PACSIN2: variants seen among roughly 807,000 people sequenced by gnomAD.
PACSIN2 encodes protein kinase C and casein kinase substrate in neurons protein 2.
Under a neutral mutation model 63.8 loss-of-function variants are expected in PACSIN2, and 25 were observed. The ratio of observed to expected loss-of-function variants is 0.39; its 90% CI spans 0.29 to 0.55. The LOEUF (loss-of-function observed/expected upper bound fraction) is 0.55. Ranked by LOEUF, PACSIN2 falls within the 20% of genes least tolerant of loss-of-function variation. The pLI is 0.62. For synonymous variants in PACSIN2, 255 were observed against 256.2 expected (o/e 1.00, Z 0.05); for missense variants, 518 against 646.9 (o/e 0.80, Z 2.16).
chr22:42,991,444 CCT>C (rs1485055552), intron 1 of PACSIN2, among the ~76,000 whole-genome samples: 1 of 152,202 alleles, frequency 6.6e-6, no homozygotes, highest in African/African-American at 2.4e-5. Flanking sequence ...TCTCCCTCCA[CCT>C]CTCTGTCCTG....
rs1411513767 is a variant in PACSIN2, at chr22:42,959,523, T to G, written c.-77-47366A>C. The G allele has an allele frequency of 2.0e-5, 3 of 152,236 alleles. No homozygotes were observed. The East Asian group carries it at 5.8e-4, about 29-fold the overall frequency. The allele number at this position is 152,236 out of a possible 1,614,324, so 9.4% of individuals were successfully genotyped here. A position where few individuals can be genotyped will look rare whatever the true frequency, so the allele number is the denominator to read the frequency against. Reference sequence around the variant, plus strand: ...AGTCAAAAATTACAAAACACAATCCTTCATTTGTTTAAGCCGAAATCTATT... The same window carrying G: ...AGTCAAAAATTACAAAACACAATCCGTCATTTGTTTAAGCCGAAATCTATT... On this transcript the variant is annotated intron_variant, in intron 1 of 10. Coordinates refer to ENST00000263246, the MANE Select transcript of PACSIN2 (RefSeq NM_001184970.3).
At chr22:42,881,809 GAGC>G (rs1929096256) in intron 7 of PACSIN2, among the ~76,000 whole-genome samples, 1 of 152,058 alleles carries the variant, frequency 6.6e-6, no homozygotes, top group Admixed American at 6.5e-5. Flanking sequence ...ACCGTGAGGG[GAGC>G]ACTGTGGCTG....
rs1402210714 is a variant in PACSIN2, at chr22:42,889,709, G to C, written c.454-911C>G. ...GTCTACTCCATTCCAGCTAGGAATG[G>C]GGGGCGAGGCTGCAGGCAGGGGCGG... On this transcript the variant is annotated intron_variant, in intron 4 of 10. Transcript: ENST00000263246. 2.6e-5 allele frequency among the ~76,000 whole-genome samples: 4 copies of C among 152,142 alleles called. No homozygotes were observed. The South Asian group carries it at 6.2e-4, about 24-fold the overall frequency.
intron 1 of PACSIN2, among the ~76,000 whole-genome samples, chr22:42,947,441 C>T (rs989874028): frequency 2.0e-5 from 3 of 152,138 alleles, no homozygotes; most frequent in African/African-American, 7.2e-5. Context: ...GGCCCTTTGT[C>T]CACAAAAGAG....
At chr22:42,924,250 T>C (rs1932388741) in intron 1 of PACSIN2, among the ~76,000 whole-genome samples, 1 of 152,118 alleles carries the variant, frequency 6.6e-6, no homozygotes, top group South Asian at 2.1e-4. Flanking sequence ...TCAGTGCCAC[T>C]ATCACCTCTC....
At chr22:43,007,319 G>A (rs1418858823) in intron 1 of PACSIN2, among the ~76,000 whole-genome samples, 1 of 151,426 alleles carries the variant, frequency 6.6e-6, no homozygotes, top group Non-Finnish European at 1.5e-5. Flanking sequence ...AGGTTCAAGC[G>A]ATTCTCCTGC....
intron 1 of PACSIN2, among the ~76,000 whole-genome samples, chr22:42,991,431 T>G (rs1475472529): frequency 6.6e-6 from 1 of 152,146 alleles, no homozygotes; most frequent in African/African-American, 2.4e-5. Context: ...ACAGAAGGCT[T>G]CTTCTCCCTC....
intron 2 of PACSIN2, among the ~76,000 whole-genome samples, chr22:42,903,907 C>T (rs764295552): frequency 7.2e-5 from 11 of 152,054 alleles, no homozygotes; most frequent in Non-Finnish European, 1.6e-4. Flanking sequence ...TCCTCAAGTA[C>T]GAAGGTGAAG....
chr22:42,981,585 G>T (rs1335557983), intron 1 of PACSIN2, among the ~76,000 whole-genome samples: 7 of 118,340 alleles, frequency 5.9e-5, no homozygotes, highest in African/African-American at 2.0e-4. Flanking sequence ...CCTCTGCCCG[G>T]CTGCCCCTAC....
At chr22:42,880,061 C>T (rs1014059479) in intron 7 of PACSIN2, among the ~76,000 whole-genome samples, 2 of 152,162 alleles carry the variant, frequency 1.3e-5, no homozygotes, top group Admixed American at 1.3e-4. Flanking sequence ...TGTGCATGCC[C>T]GCAGGTGTTT....
chr22:43,014,802 C>G (rs1924774864), intron 1 of PACSIN2, among the ~76,000 whole-genome samples: 1 of 150,916 alleles, frequency 6.6e-6, no homozygotes, highest in Non-Finnish European at 1.5e-5. Context: ...CCCTCGTCCT[C>G]CCCAAGATGT....
chr22:42,976,154 T>C (rs1215786734), intron 1 of PACSIN2, among the ~76,000 whole-genome samples: 1 of 152,228 alleles, frequency 6.6e-6, no homozygotes, highest in Non-Finnish European at 1.5e-5. Context: ...ATTCTTCACC[T>C]AGAGGGAGTA....
At position 42,871,591 on chromosome 22, in the gene PACSIN2, GC is replaced by G. The variant is rs1928135695; in HGVS notation, c.1349-123del. 1 of 769,668 alleles carries G rather than the reference GC, an allele frequency of 1.3e-6. No homozygotes were observed. The highest frequency in any genetic ancestry group is 2.0e-5 in the Admixed American group (1 of 49,142). The allele number at this position is 769,668 out of a possible 1,614,324, so 47.7% of individuals were successfully genotyped here. ...GGGCCAGGCATTCTGTGGCGGGCAG[GC>G]CGAGGGCCTGGTCATTTCTCTACTA... On this transcript the variant is annotated intron_variant, in intron 10 of 10. Transcript: ENST00000263246. This position sits in a 1 kb window ranked among gnomAD's most constrained non-coding sequence, Gnocchi z 5.4.
At chr22:42,931,121 T>G (rs1215825767) in intron 1 of PACSIN2, among the ~76,000 whole-genome samples, 1 of 152,184 alleles carries the variant, frequency 6.6e-6, no homozygotes, top group Non-Finnish European at 1.5e-5. Context: ...CTCAAGGTGT[T>G]GAGGGAGGCA....
chr22:42,933,347 C>T (rs1038323774), intron 1 of PACSIN2, among the ~76,000 whole-genome samples: 6 of 152,180 alleles, frequency 3.9e-5, no homozygotes, highest in East Asian at 1.9e-4. Context: ...CGGGCAAAGC[C>T]GACTTCACCA....
chr22:42,923,021 G>A (rs1311447810), intron 1 of PACSIN2, among the ~76,000 whole-genome samples: 1 of 152,192 alleles, frequency 6.6e-6, no homozygotes, highest in Admixed American at 6.5e-5. Flanking sequence ...GGCAGAGGGA[G>A]TGAGTGTTGT....
intron 1 of PACSIN2, among the ~76,000 whole-genome samples, chr22:42,974,506 GCTT>G (rs1921546334): frequency 6.6e-6 from 1 of 152,084 alleles, no homozygotes; most frequent in African/African-American, 2.4e-5. Context: ...CCACATACAG[GCTT>G]CTTGTCTGGG....
At chr22:42,902,242 C>T (rs1930740834) in intron 2 of PACSIN2, among the ~76,000 whole-genome samples, 1 of 152,206 alleles carries the variant, frequency 6.6e-6, no homozygotes, top group Non-Finnish European at 1.5e-5. Context: ...GAGGCGGTAG[C>T]TGAAGACAGC....
At chr22:42,940,442 T>C (rs1332441498) in intron 1 of PACSIN2, among the ~76,000 whole-genome samples, 1 of 152,142 alleles carries the variant, frequency 6.6e-6, no homozygotes. Context: ...TTACACCAGG[T>C]AGCTCTCAAA....
Sources: allele counts gnomAD v4.1 joint callset (sites outside exome capture counted in the v4.1 genomes callset), GRCh38; gene constraint gnomAD v4.1.1; non-coding constraint Gnocchi (gnomAD v3.1); transcripts MANE v1.5; gene names NCBI Gene and HGNC (gene_info 2026-07-23, HGNC 2026-07-21).